The following TBC1D32 variants were observed in gnomAD, a reference collection of about 807,000 sequenced individuals.
TBC1D32 encodes the protein TBC1 domain family member 32, also known as protein broad-minded.
In TBC1D32, 151 loss-of-function variants were observed where a neutral mutation model predicts 170.3. The observed-to-expected ratio is 0.89, with a 90% confidence interval of 0.78 to 1.01. TBC1D32 has a LOEUF of 1.01. TBC1D32 is among the 50% of genes least tolerant of loss of function. The pLI, the probability that TBC1D32 is intolerant of heterozygous loss-of-function variation, is 0.00. For synonymous variants in TBC1D32, 498 were observed against 488.0 expected (o/e 1.02, Z -0.27); for missense variants, 1,464 against 1,457.1 (o/e 1.00, Z -0.08).
chr6:121,265,775 C>T (rs1320660918), intron 15 of TBC1D32, among the ~76,000 whole-genome samples: 1 of 152,042 alleles, frequency 6.6e-6, no homozygotes, highest in Non-Finnish European at 1.5e-5. Context: ...AAGACCACAT[C>T]TACAACCATT....
intron 24 of TBC1D32, among the ~76,000 whole-genome samples, chr6:121,136,762 C>T (rs941882960): frequency 1.3e-5 from 2 of 151,922 alleles, no homozygotes; most frequent in Admixed American, 6.6e-5. Context: ...AATTCAAACT[C>T]CTTTCTTAAA....
At chr6:121,227,122 C>A (rs1439845940) in intron 20 of TBC1D32, among the ~76,000 whole-genome samples, 2 of 152,184 alleles carry the variant, frequency 1.3e-5, no homozygotes, top group Non-Finnish European at 2.9e-5. Context: ...TGCTGCGCCA[C>A]ATTCAAAGCT....
chr6:121,242,223 T>G lies in TBC1D32; in HGVS notation c.2135A>C (p.Asn712Thr). The G allele has an allele frequency of 6.2e-7, 1 of 1,611,888 alleles. No homozygotes were observed. The highest frequency in any genetic ancestry group is 8.5e-7 in the Non-Finnish European group (1 of 1,179,162). The change falls in exon 18 of 32, where the codon AAT (asparagine) becomes ACT (threonine). Residue 712 changes from asparagine (N) to threonine (T), a missense_variant. Asn to Thr is a moderately conservative substitution (Grantham distance 65, BLOSUM62 0). This residue lies in a region of TBC1D32 where 1,363 missense variants were observed against 1,338.1 expected (regional missense o/e 1.02). Coordinates refer to ENST00000398212, the MANE Select transcript of TBC1D32 (RefSeq NM_152730.6). ...TACCTGTAATTTTTTTGCATATCGATTGAATATAAATGTCACACATTCATT... is the reference window on the plus strand; with the variant it reads ...TACCTGTAATTTTTTTGCATATCGAGTGAATATAAATGTCACACATTCATT... ...AINECVTFIF[N>T]RYAKKLQVSR...
chr6:121,183,545 C>A (rs80204988), intron 22 of TBC1D32, among the ~76,000 whole-genome samples: 1,894 of 152,116 alleles, frequency 0.012, 36 homozygotes, highest in African/African-American at 0.043. Flanking sequence ...CTCACTTCAC[C>A]TCAGGTGTTG....
intron 22 of TBC1D32, among the ~76,000 whole-genome samples, chr6:121,175,079 A>C (rs78754354): frequency 0.05 from 7,659 of 152,042 alleles, 218 homozygotes; most frequent in African/African-American, 0.076. Context: ...ATGTAGAGTA[A>C]AAGAAGAAAG....
intron 21 of TBC1D32, among the ~76,000 whole-genome samples, chr6:121,221,425 A>C (rs1365236618): frequency 6.6e-6 from 1 of 152,214 alleles, no homozygotes; most frequent in Non-Finnish European, 1.5e-5. Flanking sequence ...TGACTTTCAA[A>C]TATTTAAGAA....
chr6:121,310,761 G>C lies in TBC1D32; in HGVS notation c.564+18C>G, dbSNP rs370602599. ...GTATGTTATCTGCATGAACTTGACAGCTATCCTTGAAACTTACCTCTTTAG... is the reference window on the plus strand; with the variant it reads ...GTATGTTATCTGCATGAACTTGACACCTATCCTTGAAACTTACCTCTTTAG... On this transcript the variant is annotated intron_variant, in intron 4 of 31. Transcript: ENST00000398212. The C allele has an allele frequency of 1.0e-3, 1,517 of 1,471,576 alleles. 3 individuals are homozygous for C. The highest frequency in any genetic ancestry group is 1.3e-3 in the Non-Finnish European group (1,429 of 1,073,234). 91.2% of individuals were successfully genotyped at this position (1,471,576 alleles called of 1,614,324 possible). A position where few individuals can be genotyped will look rare whatever the true frequency, so the allele number is the denominator to read the frequency against.
chr6:121,213,125 C>T (rs1027335459), intron 21 of TBC1D32, among the ~76,000 whole-genome samples: 5 of 152,080 alleles, frequency 3.3e-5, no homozygotes, highest in African/African-American at 7.2e-5. Context: ...AAACATTTTC[C>T]TTGAAAACTG....
chr6:121,269,509 C>G (rs1249717575), intron 15 of TBC1D32, among the ~76,000 whole-genome samples: 1 of 151,946 alleles, frequency 6.6e-6, no homozygotes, highest in Non-Finnish European at 1.5e-5. Context: ...TCAGAAGAGA[C>G]AAAGAAGGAC....
chr6:121,221,193 T>C (rs535666777), intron 21 of TBC1D32, among the ~76,000 whole-genome samples: 1 of 152,132 alleles, frequency 6.6e-6, no homozygotes, highest in Non-Finnish European at 1.5e-5. Context: ...AAAAATAAAG[T>C]AAATGACAGT....
chr6:121,080,159 C>T lies in TBC1D32; in HGVS notation c.*612G>A, dbSNP rs1458018374. 6.6e-6 allele frequency: 1 copy of T among 152,268 alleles called. No individual in the cohort carries two copies. Among genetic ancestry groups the T allele is most frequent in the Non-Finnish European group, 1.5e-5 (1 of 68,558 alleles). The allele number at this position is 152,268 out of a possible 1,614,324, so 9.4% of individuals were successfully genotyped here. On this transcript the variant is annotated 3_prime_UTR_variant, in exon 32 of 32. Transcript: ENST00000398212. ...TATTTACACTATTACTTCTCCTTTC[C>T]AAATTCACTGGAAACAATATTTAAA...
Position 121,304,406 on chromosome 6 carries a change from A to G in TBC1D32, c.894T>C (p.Tyr298=). The G allele has an allele frequency of 1.9e-6, 3 of 1,613,536 alleles. No individual in the cohort carries two copies. The highest frequency in any genetic ancestry group is 2.5e-6 in the Non-Finnish European group (3 of 1,179,682). ...TCCAGAAAGATGGAGCTTCTTTCTG[A>G]TATTCATTTAGAAGACGAACCTACA... ...LLKKVRLLNE[Y]QKEAPSFWIR... is the part of the protein sequence containing the mutation. Residue 298 remains tyrosine (Y), a synonymous_variant, in exon 8 of 32, where the codon TAT becomes TAC. Coordinates refer to ENST00000398212, the MANE Select transcript of TBC1D32 (RefSeq NM_152730.6).
chr6:121,126,752 GA>G lies in TBC1D32; in HGVS notation c.2900-292del, dbSNP rs776691714. On this transcript the variant is annotated intron_variant, in intron 25 of 31. Transcript: ENST00000398212. Reference sequence around the variant, plus strand: ...GAATTTGCTAAATGATTTCAAAACTGAAAAAAAAAATCACTAATTATGCTAT... The same window carrying G: ...GAATTTGCTAAATGATTTCAAAACTGAAAAAAAAATCACTAATTATGCTAT... Among the ~76,000 whole-genome samples the G allele has an allele frequency of 3.0e-3, 447 of 147,338 alleles. 4 individuals carry two copies. The Middle Eastern group carries it at 0.039, about 13-fold the overall frequency.
chr6:121,193,163 T>G (rs937910524), intron 22 of TBC1D32, among the ~76,000 whole-genome samples: 4 of 152,106 alleles, frequency 2.6e-5, no homozygotes, highest in African/African-American at 9.7e-5. Flanking sequence ...CAGGCTGAAT[T>G]TATTGATTTA....
chr6:121,259,949 G>T (rs1045981319), intron 15 of TBC1D32, among the ~76,000 whole-genome samples: 5 of 152,066 alleles, frequency 3.3e-5, no homozygotes, highest in African/African-American at 1.2e-4. Flanking sequence ...GGTATCACAG[G>T]ATTCAATCGA....
chr6:121,234,121 T>A (rs1311409765), intron 20 of TBC1D32, among the ~76,000 whole-genome samples: 1 of 152,208 alleles, frequency 6.6e-6, no homozygotes, highest in Non-Finnish European at 1.5e-5. Flanking sequence ...TACCTAATGC[T>A]TTTGCTTCAC....
intron 15 of TBC1D32, among the ~76,000 whole-genome samples, chr6:121,258,500 C>T (rs1489449413): frequency 6.6e-6 from 1 of 151,500 alleles, no homozygotes; most frequent in Non-Finnish European, 1.5e-5. Context: ...AGTCCAAAGT[C>T]AAATCTAAGT....
intron 17 of TBC1D32, among the ~76,000 whole-genome samples, chr6:121,253,576 G>A (rs556028141): frequency 2.0e-5 from 3 of 152,140 alleles, no homozygotes; most frequent in South Asian, 2.1e-4. Flanking sequence ...AACATTAGCC[G>A]GGCGTGGTGG....
intron 21 of TBC1D32, among the ~76,000 whole-genome samples, chr6:121,214,506 G>T (rs1793563153): frequency 6.6e-6 from 1 of 152,200 alleles, no homozygotes; most frequent in African/African-American, 2.4e-5. Context: ...GGCAGCTGCA[G>T]GCACTGGCAT....
Sources: allele counts gnomAD v4.1 joint callset (sites outside exome capture counted in the v4.1 genomes callset), GRCh38; gene constraint gnomAD v4.1.1; regional missense constraint gnomAD v4.1.1; transcripts MANE v1.5; gene names NCBI Gene and HGNC (gene_info 2026-07-23, HGNC 2026-07-21).